The following GALNT16 variants were observed in gnomAD, a reference collection of about 807,000 sequenced individuals.
The protein encoded by GALNT16 is polypeptide N-acetylgalactosaminyltransferase 16.
GALNT16 carries 40 observed loss-of-function variants against 76.1 expected under a neutral mutation model. That is an observed-to-expected ratio of 0.53 (90% CI 0.41 to 0.68). The LOEUF is 0.68. Among genes scored for constraint, GALNT16 ranks in the 30% least tolerant of loss-of-function variants. The pLI is 0.00. For missense variants in GALNT16, 621 were observed against 731.9 expected (o/e 0.85, Z 1.75); for synonymous variants, 276 against 285.2 (o/e 0.97, Z 0.32).
At chr14:69,380,328 T>TA in the GALNT16 span, 8,861 of 355,524 alleles carry the variant, frequency 0.025, 28 homozygotes, top group African/African-American at 0.048. Flanking sequence ...AATGTTTAAG[T>TA]AAAAAAAAAA....
chr14:69,339,491 C>T (rs750146217), intron 10 of GALNT16, 36 bp from the exon 11 acceptor site: 1 of 1,276,030 alleles, frequency 7.8e-7, no homozygotes, highest in Non-Finnish European at 1.1e-6. Flanking sequence ...TGTTGCTTCC[C>T]TGGTGACCTT....
intron 1 of GALNT16, among the ~76,000 whole-genome samples, chr14:69,312,277 G>A (rs1405538053): frequency 6.6e-6 from 1 of 152,090 alleles, no homozygotes; most frequent in Non-Finnish European, 1.5e-5. Flanking sequence ...TAAATTAACT[G>A]TGATCAGTCC....
chr14:69,343,114 C>G (rs1262971961), intron 12 of GALNT16, among the ~76,000 whole-genome samples: 1 of 152,192 alleles, frequency 6.6e-6, no homozygotes, highest in East Asian at 1.9e-4. Flanking sequence ...TTGCACAGTC[C>G]GTACGCCTCA....
the GALNT16 span, among the ~76,000 whole-genome samples, chr14:69,372,948 G>C: frequency 1.3e-5 from 2 of 152,192 alleles, no homozygotes; most frequent in African/African-American, 4.8e-5. Flanking sequence ...ATTGGGATGA[G>C]CATTGTGGTA....
At chr14:69,315,003 A>G (rs946642044) in intron 1 of GALNT16, among the ~76,000 whole-genome samples, 9 of 152,234 alleles carry the variant, frequency 5.9e-5, no homozygotes, top group Admixed American at 5.2e-4. Flanking sequence ...ATTTAGGGGT[A>G]TGTGTATGTT....
chr14:69,328,181 TG>T (rs1435525320), intron 5 of GALNT16, among the ~76,000 whole-genome samples: 1 of 152,144 alleles, frequency 6.6e-6, no homozygotes, highest in Non-Finnish European at 1.5e-5. Flanking sequence ...AAACTGTGAC[TG>T]TTCATCAGTG....
downstream of GALNT16, among the ~76,000 whole-genome samples, chr14:69,359,545 C>CTT (rs141397514): frequency 8.6e-3 from 1,304 of 152,258 alleles, 24 homozygotes; most frequent in African/African-American, 0.03. Flanking sequence ...TACCCAGAAT[C>CTT]TTAGTAAGGC....
chr14:69,313,984 C>T (rs1018935251), intron 1 of GALNT16, among the ~76,000 whole-genome samples: 6 of 152,186 alleles, frequency 3.9e-5, no homozygotes, highest in East Asian at 1.9e-4. Context: ...TACAAAGCAG[C>T]GGCTCTCAAC....
rs1291733581 is a variant in GALNT16 at position 69,333,357 on chromosome 14, AG to A, written c.864-137del. 12 of 711,130 alleles carry A rather than the reference AG, an allele frequency of 1.7e-5. No individual in the cohort carries two copies. Among genetic ancestry groups the A allele is most frequent in the Non-Finnish European group, 3.0e-5 (12 of 402,230 alleles). 44.1% of individuals were successfully genotyped at this position (711,130 alleles called of 1,614,324 possible). A position where few individuals can be genotyped will look rare whatever the true frequency, so the allele number is the denominator to read the frequency against. On this transcript the variant is annotated intron_variant, in intron 8 of 14. Coordinates refer to ENST00000448469, the MANE Select transcript of GALNT16 (RefSeq NM_001168368.2). This position sits in a 1 kb window ranked among gnomAD's most constrained non-coding sequence, Gnocchi z 4.2. ...GCCACGGGAACAGATGTGGGGGGCCAGGGAGCTGGCCAGACATCCTGCCCCA... is the reference window on the plus strand; with the variant it reads ...GCCACGGGAACAGATGTGGGGGGCCAGGAGCTGGCCAGACATCCTGCCCCA...
At chr14:69,319,104 G>A (rs1360701605) in intron 1 of GALNT16, among the ~76,000 whole-genome samples, 1 of 152,258 alleles carries the variant, frequency 6.6e-6, no homozygotes, top group Non-Finnish European at 1.5e-5. Context: ...ATGAGCATCT[G>A]TGTCTAGCAT....
intron 1 of GALNT16, 162 bp downstream of exon 1, chr14:69,260,629 C>T: frequency 2.5e-6 from 1 of 396,804 alleles, no homozygotes; most frequent in African/African-American, 2.1e-5. Flanking sequence ...TTATGGCAAC[C>T]TCTGCCGGGC....
At chr14:69,341,953 G>A (rs1456913479) in intron 12 of GALNT16, among the ~76,000 whole-genome samples, 189 bp downstream of exon 12, 3 of 152,182 alleles carry the variant, frequency 2.0e-5, no homozygotes, top group African/African-American at 7.2e-5. Context: ...TAAATTAGGT[G>A]TGGTGGGAAC....
rs539930045 is a variant in GALNT16 at position 69,290,594 on chromosome 14, A to G, written c.178-30117A>G. Among the ~76,000 whole-genome samples, 5 of 152,348 alleles carry G rather than the reference A, an allele frequency of 3.3e-5. No homozygotes were observed. The South Asian group carries it at 1.0e-3, about 32-fold the overall frequency. ...AATAGTAAGGCTCTCATTGACCCCA[A>G]GATGCTATGACAGAGAATGATTGAA... On this transcript the variant is annotated intron_variant, in intron 1 of 14. Coordinates refer to ENST00000448469, the MANE Select transcript of GALNT16 (RefSeq NM_001168368.2).
chr14:69,303,933 A>AT (rs1318472573), intron 1 of GALNT16, among the ~76,000 whole-genome samples: 12 of 152,260 alleles, frequency 7.9e-5, no homozygotes, highest in African/African-American at 1.7e-4. Context: ...TTTGTAGCTC[A>AT]TTTTTTCCCA....
intron 1 of GALNT16, among the ~76,000 whole-genome samples, chr14:69,302,103 T>C (rs1418004524): frequency 6.6e-6 from 1 of 152,164 alleles, no homozygotes; most frequent in Non-Finnish European, 1.5e-5. Context: ...CAGATTTCAT[T>C]AGATCCCCAG....
At chr14:69,379,490 C>T in the GALNT16 span, among the ~76,000 whole-genome samples, 35 of 152,260 alleles carry the variant, frequency 2.3e-4, no homozygotes, top group Non-Finnish European at 4.7e-4. Flanking sequence ...GGATATTAAA[C>T]CAATCATGAG....
chr14:69,267,095 C>T (rs1002539711), intron 1 of GALNT16, among the ~76,000 whole-genome samples: 1 of 152,244 alleles, frequency 6.6e-6, no homozygotes, highest in Non-Finnish European at 1.5e-5. Flanking sequence ...CCTGTCCTGT[C>T]TCCCAGACCC....
At chr14:69,378,987 G>A in the GALNT16 span, among the ~76,000 whole-genome samples, 1 of 151,998 alleles carries the variant, frequency 6.6e-6, no homozygotes, top group Non-Finnish European at 1.5e-5. Context: ...AAGCTGGAGT[G>A]CAGTGGTGCA....
intron 1 of GALNT16, among the ~76,000 whole-genome samples, chr14:69,271,210 G>A (rs145708200): frequency 3.3e-5 from 5 of 152,222 alleles, no homozygotes; most frequent in Non-Finnish European, 4.4e-5. Context: ...AGAACACAGC[G>A]TCACCCAACT....
Sources: gnomAD v4.1 joint callset for allele counts (sites outside exome capture counted in the v4.1 genomes callset) on GRCh38, gnomAD v4.1.1 for gene constraint, Gnocchi (gnomAD v3.1) non-coding constraint, MANE v1.5 for transcripts, NCBI Gene and HGNC (gene_info 2026-07-23, HGNC 2026-07-21) for gene names.